The following SNX18 variants were observed in gnomAD, a reference collection of about 807,000 sequenced individuals.
SNX18 encodes the protein sorting nexin-18.
SNX18 carries 35 observed loss-of-function variants against 48.7 expected under a neutral mutation model. That is an observed-to-expected ratio of 0.72 (90% CI 0.55 to 0.95). SNX18 has a LOEUF of 0.95. Ranked by LOEUF, SNX18 falls within the 40% of genes least tolerant of loss-of-function variation. The pLI, the probability that SNX18 is intolerant of heterozygous loss-of-function variation, is 0.00. For missense variants in SNX18, 824 were observed against 871.0 expected, an observed-to-expected ratio of 0.95 and a Z score of 0.68; for synonymous variants, 492 against 384.7, an observed-to-expected ratio of 1.28 and a Z score of -3.26.
rs1580088891 is a variant in SNX18 at position 54,518,581 on chromosome 5, T to C, written c.629T>C (p.Val210Ala). ...TCCCTGGGTTCCCGCGGCGGCTCGGTCCCCCCGCAGCACCACCCGTCGGGG... is the reference window on the plus strand; with the variant it reads ...TCCCTGGGTTCCCGCGGCGGCTCGGCCCCCCCGCAGCACCACCCGTCGGGG... ...DLSLGSRGGS[V>A]PPQHHPSGPK... The change falls in exon 1 of 2, where the codon GTC becomes GCC. Residue 210 changes from valine (V) to alanine (A), a missense_variant. Transcript: ENST00000381410. 1 of 1,579,760 alleles carries C rather than the reference T, an allele frequency of 6.3e-7. No individual in the cohort carries two copies. The highest frequency in any genetic ancestry group is 8.6e-7 in the Non-Finnish European group (1 of 1,163,730).
At chr5:54,638,881 C>T in the SNX18 span, among the ~76,000 whole-genome samples, 1 of 152,180 alleles carries the variant, frequency 6.6e-6, no homozygotes, top group African/African-American at 2.4e-5. Flanking sequence ...CTCATAACAT[C>T]ATCCTTTGAA....
At chr5:54,533,620 T>G (rs1338312162) in intron 1 of SNX18, among the ~76,000 whole-genome samples, 1 of 152,232 alleles carries the variant, frequency 6.6e-6, no homozygotes, top group Non-Finnish European at 1.5e-5. Context: ...TTAGTTTCTC[T>G]GAGTTTCACT....
chr5:54,548,175 C>T (rs1337552831), downstream of SNX18, among the ~76,000 whole-genome samples: 1 of 152,166 alleles, frequency 6.6e-6, no homozygotes, highest in Non-Finnish European at 1.5e-5. Context: ...TCTCAAACTG[C>T]CTGCCTGTCT....
At chr5:54,579,983 G>A in the SNX18 span, among the ~76,000 whole-genome samples, 6 of 152,082 alleles carry the variant, frequency 3.9e-5, no homozygotes, top group African/African-American at 2.4e-5. Context: ...CCCAATAGTT[G>A]CCTATCTGTA....
the SNX18 span, among the ~76,000 whole-genome samples, chr5:54,601,164 A>G: frequency 6.6e-6 from 1 of 152,144 alleles, no homozygotes; most frequent in Non-Finnish European, 1.5e-5. Context: ...CCAACTCTGT[A>G]TCCAATAATG....
chr5:54,558,215 C>T, the SNX18 span, among the ~76,000 whole-genome samples: 2 of 152,198 alleles, frequency 1.3e-5, no homozygotes, highest in African/African-American at 4.8e-5. Flanking sequence ...TAAACATCAC[C>T]CTAAATATTT....
At chr5:54,540,244 C>G (rs1406026705) in intron 1 of SNX18, among the ~76,000 whole-genome samples, 2 of 149,292 alleles carry the variant, frequency 1.3e-5, no homozygotes, top group Non-Finnish European at 3.0e-5. Flanking sequence ...TAGGGTTTTA[C>G]TCTGTCACCT....
chr5:54,601,386 G>A, the SNX18 span, among the ~76,000 whole-genome samples: 1 of 152,176 alleles, frequency 6.6e-6, no homozygotes, highest in East Asian at 1.9e-4. Context: ...CAGGCACTCT[G>A]AGGCCCTTTG....
intron 1 of SNX18, among the ~76,000 whole-genome samples, chr5:54,524,851 G>A (rs1361346076): frequency 6.6e-6 from 1 of 152,222 alleles, no homozygotes; most frequent in Non-Finnish European, 1.5e-5. Flanking sequence ...ACTAGCTACA[G>A]AGACAGGTCA....
the SNX18 span, among the ~76,000 whole-genome samples, chr5:54,584,682 T>C: frequency 6.6e-6 from 1 of 152,146 alleles, no homozygotes; most frequent in Non-Finnish European, 1.5e-5. Context: ...AGGGGAATAA[T>C]TATAGATTAC....
chr5:54,519,279 C>T lies in SNX18; in HGVS notation c.1327C>T (p.Leu443=), dbSNP rs1477202088. ...CFTKKMDDSA[L]QLNHTANEFA... is the part of the protein sequence containing the mutation. ...CACCAAGAAGATGGACGACAGCGCG[C>T]TGCAGCTCAACCACACGGCCAACGA... Residue 443 remains leucine, a synonymous_variant, in exon 1 of 2, where the codon CTG becomes TTG. Coordinates refer to ENST00000381410, the MANE Select transcript of SNX18 (RefSeq NM_001102575.2). The T allele has an allele frequency of 6.2e-7, 1 of 1,614,154 alleles. No homozygotes were observed. Among genetic ancestry groups the T allele is most frequent in the Admixed American group, 1.7e-5 (1 of 60,030 alleles).
the SNX18 span, among the ~76,000 whole-genome samples, chr5:54,553,147 G>A: frequency 4.6e-4 from 70 of 152,256 alleles, no homozygotes; most frequent in African/African-American, 1.6e-3. Context: ...AGGGTCCTAC[G>A]GGCTGCTCTG....
the SNX18 span, among the ~76,000 whole-genome samples, chr5:54,583,395 G>T: frequency 3.0e-4 from 45 of 152,314 alleles, 1 homozygote; most frequent in Non-Finnish European, 4.9e-4. Flanking sequence ...TCTGGCTCTG[G>T]GTCTTCCCTT....
At chr5:54,599,225 T>A in the SNX18 span, among the ~76,000 whole-genome samples, 2 of 152,134 alleles carry the variant, frequency 1.3e-5, no homozygotes, top group Non-Finnish European at 2.9e-5. Context: ...TCCTTTTCAA[T>A]TCACAATTGC....
At chr5:54,567,630 C>G in the SNX18 span, among the ~76,000 whole-genome samples, 3 of 152,188 alleles carry the variant, frequency 2.0e-5, no homozygotes, top group South Asian at 6.2e-4. Context: ...GCCTTACTCC[C>G]CTTATACAAT....
chr5:54,573,449 G>A, the SNX18 span, among the ~76,000 whole-genome samples: 9 of 152,244 alleles, frequency 5.9e-5, 1 homozygote, highest in Middle Eastern at 0.014. Context: ...GATTACAGTC[G>A]TGAGCCACTG....
At chr5:54,539,491 G>A (rs1386748034) in intron 1 of SNX18, among the ~76,000 whole-genome samples, 5 of 152,196 alleles carry the variant, frequency 3.3e-5, no homozygotes, top group Non-Finnish European at 5.9e-5. Context: ...GCAGTGCTGG[G>A]CATGTAGCAG....
downstream of SNX18, among the ~76,000 whole-genome samples, chr5:54,550,876 C>T (rs1417395451): frequency 6.7e-6 from 1 of 149,614 alleles, no homozygotes; most frequent in Admixed American, 6.7e-5. Context: ...TGAGTCACTG[C>T]GCCTGGCCTA....
chr5:54,600,403 T>C, the SNX18 span, among the ~76,000 whole-genome samples: 1 of 152,172 alleles, frequency 6.6e-6, no homozygotes, highest in Non-Finnish European at 1.5e-5. Flanking sequence ...GTTCAACCAT[T>C]ATGGAAGATG....
Sources: allele counts gnomAD v4.1 joint callset (sites outside exome capture counted in the v4.1 genomes callset), GRCh38; gene constraint gnomAD v4.1.1; transcripts MANE v1.5; gene names NCBI Gene and HGNC (gene_info 2026-07-23, HGNC 2026-07-21).